AAK1: variants seen among roughly 807,000 people sequenced by gnomAD.
AAK1 encodes AP2-associated protein kinase 1.
Under a neutral mutation model 116.0 loss-of-function variants are expected in AAK1, and 37 were observed. That is an observed-to-expected ratio of 0.32 (90% confidence interval 0.25 to 0.42). The LOEUF (loss-of-function observed/expected upper bound fraction) is 0.42. Ranked by LOEUF, AAK1 falls within the 10% of genes least tolerant of loss-of-function variation. AAK1 has a pLI of 1.00. For synonymous variants in AAK1, 458 were observed against 439.9 expected, an observed-to-expected ratio of 1.04 and a Z score of -0.51; for missense variants, 919 against 1,170.6, an observed-to-expected ratio of 0.79 and a Z score of 3.14.
At chr2:69,612,243 G>A (rs1394471751) in intron 2 of AAK1, among the ~76,000 whole-genome samples, 1 of 152,210 alleles carries the variant, frequency 6.6e-6, no homozygotes, top group Non-Finnish European at 1.5e-5. Context: ...TAATGCCATA[G>A]AACTGTATAC....
chr2:69,477,664 A>G (rs1674906222), intron 20 of AAK1, among the ~76,000 whole-genome samples: 1 of 152,194 alleles, frequency 6.6e-6, no homozygotes, highest in East Asian at 1.9e-4. Flanking sequence ...GCTTCTCTGT[A>G]ATTCTACATT....
chr2:69,621,336 G>A (rs115499461), intron 2 of AAK1, among the ~76,000 whole-genome samples: 1,553 of 152,130 alleles, frequency 0.01, 21 homozygotes, highest in African/African-American at 0.033. Context: ...AAGATTAGCC[G>A]GGCTTGGTGG....
intron 2 of AAK1, among the ~76,000 whole-genome samples, chr2:69,607,789 G>A (rs1243425348): frequency 3.9e-5 from 6 of 152,182 alleles, no homozygotes; most frequent in Non-Finnish European, 7.3e-5. Context: ...GCAGACTAGA[G>A]ATTAGCCATG....
Position 69,487,379 on chromosome 2 carries a change from G to C in AAK1, c.2366-4567C>G, listed in dbSNP as rs146886084. ...GAAACACACCGAAGCCAAGTATCAT[G>C]ATGGGGCATGGAGAAGAACAGCACA... On this transcript the variant is annotated intron_variant, in intron 17 of 21. Transcript: ENST00000409085. Among the ~76,000 whole-genome samples the C allele has an allele frequency of 3.0e-3, 452 of 152,316 alleles. 3 individuals carry two copies. Among genetic ancestry groups the C allele is most frequent in the Middle Eastern group, 0.014 (4 of 294 alleles).
chr2:69,519,402 GTCTT>G (rs1174499339), intron 11 of AAK1, among the ~76,000 whole-genome samples, 162 bp from the exon 12 acceptor site: 2 of 152,300 alleles, frequency 1.3e-5, no homozygotes, highest in Admixed American at 6.5e-5. Context: ...CACCTGGAAT[GTCTT>G]TCTATCTTCT....
chr2:69,520,410 G>A (rs1241824818), intron 11 of AAK1, among the ~76,000 whole-genome samples: 1 of 148,752 alleles, frequency 6.7e-6, no homozygotes, highest in Non-Finnish European at 1.5e-5. Flanking sequence ...CCAGGCTGGA[G>A]TGCAATGGCA....
At chr2:69,519,345 A>G (rs1669647829) in intron 11 of AAK1, 105 bp from the exon 12 acceptor site, 3 of 1,411,164 alleles carry the variant, frequency 2.1e-6, no homozygotes, top group Non-Finnish European at 2.8e-6. Context: ...TGTGCAGAGT[A>G]TCTCAAGATT....
At position 69,473,597 on chromosome 2, in the gene AAK1, A is replaced by G. The variant is rs1674752305; in HGVS notation, c.*2272T>C. On this transcript the variant is annotated 3_prime_UTR_variant, in exon 22 of 22. Transcript: ENST00000409085. ...TTAAGCTTTACTGAGCCAAATGACTAGATAATATATTTCAATGTAATTATG... is the reference window on the plus strand; with the variant it reads ...TTAAGCTTTACTGAGCCAAATGACTGGATAATATATTTCAATGTAATTATG... 3 of 985,170 alleles carry G rather than the reference A, an allele frequency of 3.0e-6. No homozygotes were observed. The highest frequency in any genetic ancestry group is 2.4e-6 in the Non-Finnish European group (2 of 829,640). 61.0% of individuals were successfully genotyped at this position (985,170 alleles called of 1,614,324 possible).
intron 6 of AAK1, chr2:69,531,727 T>A: frequency 9.4e-7 from 1 of 1,060,714 alleles, no homozygotes; most frequent in Non-Finnish European, 1.1e-6. Context: ...ATGCTAGTAC[T>A]TTTACGGTGT....
intron 3 of AAK1, among the ~76,000 whole-genome samples, chr2:69,552,592 T>C (rs1671225805): frequency 6.6e-6 from 1 of 152,014 alleles, no homozygotes; most frequent in Non-Finnish European, 1.5e-5. Flanking sequence ...GTACCTGTAC[T>C]CCCAGCTACT....
At chr2:69,494,321 C>T (rs1041473286) in intron 17 of AAK1, among the ~76,000 whole-genome samples, 2 of 152,136 alleles carry the variant, frequency 1.3e-5, no homozygotes, top group Non-Finnish European at 2.9e-5. Flanking sequence ...TGGCCCCAGA[C>T]GCATTTCCAC....
chr2:69,563,924 T>C (rs1671754182), intron 2 of AAK1, among the ~76,000 whole-genome samples: 1 of 152,174 alleles, frequency 6.6e-6, no homozygotes, highest in African/African-American at 2.4e-5. Context: ...CCAGGCGCGG[T>C]GGCTCACGCC....
intron 5 of AAK1, among the ~76,000 whole-genome samples, chr2:69,532,369 A>AG (rs970990509): frequency 1.3e-5 from 2 of 152,108 alleles, no homozygotes; most frequent in Admixed American, 1.3e-4. Flanking sequence ...GTGGGTGGAG[A>AG]GGGAAAAAAG....
intron 5 of AAK1, among the ~76,000 whole-genome samples, chr2:69,537,630 G>A (rs1385294100): frequency 6.6e-6 from 1 of 152,198 alleles, no homozygotes; most frequent in Non-Finnish European, 1.5e-5. Flanking sequence ...CTACTGCTAG[G>A]ACTGTGGTGG....
chr2:69,641,854 T>C (rs1675739966), intron 2 of AAK1, among the ~76,000 whole-genome samples: 1 of 152,182 alleles, frequency 6.6e-6, no homozygotes, highest in African/African-American at 2.4e-5. Flanking sequence ...ACCTCTCCCT[T>C]CTTCCAACCC....
chr2:69,509,620 C>T lies in AAK1; in HGVS notation c.1777-160G>A, dbSNP rs550719404. 61 of 644,872 alleles carry T rather than the reference C, an allele frequency of 9.5e-5. 1 individual carries two copies. The South Asian group carries it at 1.2e-3, about 13-fold the overall frequency. The allele number at this position is 644,872 out of a possible 1,614,324, so 39.9% of individuals were successfully genotyped here. On this transcript the variant is annotated intron_variant, in intron 13 of 21. Transcript: ENST00000409085. ...ATCAATAATGCCCAGAAAGAAAAAT[C>T]CAGGCTTTGACAATCTGTGCTGCAA...
At chr2:69,582,656 C>T (rs1489173820) in intron 2 of AAK1, among the ~76,000 whole-genome samples, 2 of 152,128 alleles carry the variant, frequency 1.3e-5, no homozygotes, top group Non-Finnish European at 2.9e-5. Flanking sequence ...CAGCTGTCTG[C>T]TCAAGCTAAA....
At chr2:69,523,541 T>C (rs1669881745) in intron 10 of AAK1, among the ~76,000 whole-genome samples, 2 of 152,376 alleles carry the variant, frequency 1.3e-5, no homozygotes, top group South Asian at 4.1e-4. Flanking sequence ...TGACGCAGTT[T>C]GCTGCTAGCA....
intron 2 of AAK1, among the ~76,000 whole-genome samples, chr2:69,561,521 T>C (rs1302275994): frequency 1.3e-5 from 2 of 152,248 alleles, no homozygotes; most frequent in Non-Finnish European, 2.9e-5. Context: ...AAGATTAAGT[T>C]CCTTTCACAA....
Sources: allele counts gnomAD v4.1 joint callset (sites outside exome capture counted in the v4.1 genomes callset), GRCh38; gene constraint gnomAD v4.1.1; transcripts MANE v1.5; gene names NCBI Gene and HGNC (gene_info 2026-07-23, HGNC 2026-07-21).